IL15: variants seen among roughly 807,000 people sequenced by gnomAD.
The protein encoded by IL15 is interleukin 15.
In IL15, 11 loss-of-function variants were observed where a neutral mutation model predicts 19.6. That is an observed-to-expected ratio of 0.56 (90% CI 0.35 to 0.93). The LOEUF (loss-of-function observed/expected upper bound fraction) is 0.93. Ranked by LOEUF, IL15 falls within the 40% of genes least tolerant of loss-of-function variation. The pLI is 0.01. For missense variants in IL15, 197 were observed against 186.5 expected (o/e 1.06, Z -0.33); for synonymous variants, 58 against 59.6 (o/e 0.97, Z 0.12).
At chr4:141,650,265 G>A (rs1221569786) in intron 1 of IL15, among the ~76,000 whole-genome samples, 1 of 151,980 alleles carries the variant, frequency 6.6e-6, no homozygotes, top group South Asian at 2.1e-4. Flanking sequence ...TGGACATAAT[G>A]GAATGGAGCA....
chr4:141,722,136 T>C, intron 5 of IL15, 128 bp downstream of exon 5: 2 of 1,210,180 alleles, frequency 1.7e-6, no homozygotes, highest in African/African-American at 1.5e-5. Context: ...ATTTATGATC[T>C]TATAAAGCTC....
At chr4:141,672,673 T>A (rs977838027) in intron 2 of IL15, among the ~76,000 whole-genome samples, 18 of 152,184 alleles carry the variant, frequency 1.2e-4, no homozygotes, top group Admixed American at 6.6e-4. Flanking sequence ...TTGAAAAATA[T>A]TCAGTCTCCA....
chr4:141,656,972 T>C (rs1727628264), intron 2 of IL15, among the ~76,000 whole-genome samples: 1 of 152,182 alleles, frequency 6.6e-6, no homozygotes, highest in Non-Finnish European at 1.5e-5. Flanking sequence ...TATAACTTGA[T>C]GATGGAGATA....
intron 1 of IL15, among the ~76,000 whole-genome samples, chr4:141,642,384 C>T (rs1221379575): frequency 6.6e-6 from 1 of 152,136 alleles, no homozygotes; most frequent in Non-Finnish European, 1.5e-5. Context: ...CCACAAAGCC[C>T]TGGGAAAGTT....
At chr4:141,723,883 C>A (rs768845377) in intron 5 of IL15, among the ~76,000 whole-genome samples, 2 of 152,114 alleles carry the variant, frequency 1.3e-5, no homozygotes, top group South Asian at 4.2e-4. Flanking sequence ...ATAGACAAAT[C>A]CACAATTATT....
Position 141,656,225 on chromosome 4 carries a change from A to G in IL15, c.-182A>G, listed in dbSNP as rs1209132325. ...TATGGCCATGTGGCTCTTTGGAGCA[A>G]TGTTCCATCATGTTCCATGCTGCTG... On this transcript the variant is annotated 5_prime_UTR_variant, in exon 2 of 8. The change abolishes an upstream ATG in the 5' untranslated region. Coordinates refer to ENST00000320650, the MANE Select transcript of IL15 (RefSeq NM_000585.5). 2.0e-5 allele frequency: 8 copies of G among 398,318 alleles called. No individual in the cohort carries two copies. The highest frequency in any genetic ancestry group is 2.7e-5 in the Non-Finnish European group (6 of 225,950). The allele number at this position is 398,318 out of a possible 1,614,324, so 24.7% of individuals were successfully genotyped here. A position where few individuals can be genotyped will look rare whatever the true frequency, so the allele number is the denominator to read the frequency against.
chr4:141,713,132 T>C (rs1478894420), intron 2 of IL15, among the ~76,000 whole-genome samples: 2 of 152,194 alleles, frequency 1.3e-5, no homozygotes, highest in Admixed American at 6.6e-5. Context: ...TTTGAGGACA[T>C]TTCTTATTTG....
chr4:141,700,086 T>G (rs2152181277), intron 2 of IL15, among the ~76,000 whole-genome samples: 1 of 152,048 alleles, frequency 6.6e-6, no homozygotes, highest in Non-Finnish European at 1.5e-5. Context: ...GCCTGGCTAA[T>G]TTTTGTATTT....
At position 141,729,865 on chromosome 4, in the gene IL15, G is replaced by A. The variant is rs1398490196; in HGVS notation, c.259G>A (p.Ala87Thr). 4 of 1,573,164 alleles carry A rather than the reference G, an allele frequency of 2.5e-6. No individual in the cohort carries two copies. Among genetic ancestry groups the A allele is most frequent in the East Asian group, 2.2e-5 (1 of 44,620 alleles). ...SDVHPSCKVT[A>T]MKCFLLELQV... ...TTTTTAGCCCAGTTGCAAAGTAACA[G>A]CAATGAAGTGCTTTCTCTTGGAGTT... is the stretch of plus-strand genomic sequence containing the variant. Residue 87 changes from alanine to threonine, a missense_variant, in exon 7 of 8, where the codon GCA becomes ACA. Coordinates refer to ENST00000320650, the MANE Select transcript of IL15 (RefSeq NM_000585.5).
intron 2 of IL15, among the ~76,000 whole-genome samples, chr4:141,698,875 GGTTTAGTTTGTTCCTGTCTCTTAA>G (rs1235258532): frequency 6.6e-6 from 1 of 151,270 alleles, no homozygotes; most frequent in African/African-American, 2.4e-5. Context: ...GCTATGTTTG[GGTTTAGTTTGTTCCTGTCTCTTAA>G]GTTCCTTGAG....
intron 2 of IL15, among the ~76,000 whole-genome samples, chr4:141,671,657 T>C (rs908444053): frequency 6.6e-6 from 1 of 152,182 alleles, no homozygotes; most frequent in African/African-American, 2.4e-5. Context: ...TGGATTTTCT[T>C]ACATGACAGC....
chr4:141,680,656 AAAAC>A (rs1445527467), intron 2 of IL15, among the ~76,000 whole-genome samples: 11 of 152,188 alleles, frequency 7.2e-5, no homozygotes, highest in African/African-American at 2.7e-4. Context: ...GCTCTGAGTT[AAAAC>A]AAACACTTTC....
At chr4:141,716,931 G>C (rs772942318) in intron 2 of IL15, 15 of 152,074 alleles carry the variant, frequency 9.9e-5, no homozygotes, top group Non-Finnish European at 1.9e-4. Flanking sequence ...CTCTTTTCTT[G>C]CCTATTTCCC....
At chr4:141,723,714 G>A (rs911563309) in intron 5 of IL15, among the ~76,000 whole-genome samples, 1 of 152,114 alleles carries the variant, frequency 6.6e-6, no homozygotes, top group African/African-American at 2.4e-5. Flanking sequence ...TTAACATAAA[G>A]TAGACTTCAC....
Position 141,672,189 on chromosome 4 carries a change from C to T in IL15, c.-100+15882C>T, listed in dbSNP as rs559668341. 1.4e-4 allele frequency among the ~76,000 whole-genome samples: 22 copies of T among 152,242 alleles called. No individual in the cohort carries two copies. The South Asian group carries it at 3.3e-3, about 23-fold the overall frequency. On this transcript the variant is annotated intron_variant, in intron 2 of 7. Coordinates refer to ENST00000320650, the MANE Select transcript of IL15 (RefSeq NM_000585.5). ...GGTTATGAGTGAAGGATTTGTCTGT[C>T]TGTGAAAAAATCTAGTAGTTTGAAG... is the stretch of plus-strand genomic sequence containing the variant.
In IL15 at chr4:141,678,171, G is replaced by A. The variant is rs17007523; in HGVS notation, c.-100+21864G>A. Among the ~76,000 whole-genome samples the A allele has an allele frequency of 0.02, 3,022 of 152,224 alleles. 299 individuals are homozygous for A. In the East Asian group the frequency reaches 0.32, roughly 16 times the overall value. On this transcript the variant is annotated intron_variant, in intron 2 of 7. Transcript: ENST00000320650. ...TCCTGTAAAATAGGAGATCCAGATG[G>A]TCAGAAATGCATACGTTAGGTTTTG...
chr4:141,688,299 CAG>C (rs772156652), intron 2 of IL15, among the ~76,000 whole-genome samples: 6 of 152,168 alleles, frequency 3.9e-5, no homozygotes, highest in Non-Finnish European at 7.4e-5. Flanking sequence ...AAACCAGTCT[CAG>C]AGTCTCATTC....
intron 7 of IL15, among the ~76,000 whole-genome samples, chr4:141,730,267 G>A (rs1322043705): frequency 2.6e-5 from 4 of 152,166 alleles, no homozygotes; most frequent in Non-Finnish European, 4.4e-5. Context: ...ACCTCAAGGT[G>A]TTTATTGTCA....
At chr4:141,716,781 T>A (rs1729898694) in intron 2 of IL15, 1 of 152,330 alleles carries the variant, frequency 6.6e-6, no homozygotes, top group Non-Finnish European at 1.5e-5. Context: ...GGAGCTGAGC[T>A]GCCTGAGGCC....
Sources: gnomAD v4.1 joint callset for allele counts (sites outside exome capture counted in the v4.1 genomes callset) on GRCh38, gnomAD v4.1.1 for gene constraint, MANE v1.5 for transcripts, NCBI Gene and HGNC (gene_info 2026-07-23, HGNC 2026-07-21) for gene names.